Variants in CFHR4 observed in about 807,000 individuals in gnomAD.
The protein encoded by CFHR4 is complement factor H-related protein 4.
Under a neutral mutation model 69.3 loss-of-function variants are expected in CFHR4, and 64 were observed. That is an observed-to-expected ratio of 0.92 (90% CI 0.76 to 1.14). The LOEUF is 1.14. Among genes scored for constraint, CFHR4 ranks in the 50% most tolerant of loss-of-function variants. The probability of loss-of-function intolerance (pLI) is 0.00; values close to 1 mark genes in which losing one functional copy is unlikely to be tolerated. For missense variants in CFHR4, 636 were observed against 684.9 expected (o/e 0.93, Z 0.80); for synonymous variants, 244 against 237.0 (o/e 1.03, Z -0.27).
chr1:196,914,848 T>C, intron 8 of CFHR4, 108 bp from the exon 9 acceptor site: 1 of 1,505,666 alleles, frequency 6.6e-7, no homozygotes. Flanking sequence ...GCAGATGTCT[T>C]CCTAAGAAAT....
intron 1 of CFHR4, among the ~76,000 whole-genome samples, chr1:196,893,300 A>G (rs192227535): frequency 6.6e-6 from 1 of 151,772 alleles, no homozygotes; most frequent in East Asian, 1.9e-4. Context: ...GCTTTTGATG[A>G]GGACTGTCAC....
At chr1:196,907,533 G>A (rs1657983552) in intron 5 of CFHR4, 35 bp downstream of exon 5, 1 of 1,546,158 alleles carries the variant, frequency 6.5e-7, no homozygotes. Context: ...GAGAAAATTA[G>A]AGTAATAACT....
Position 196,894,889 on chromosome 1 carries a change from A to AACAACAACAAC in CFHR4, c.58+6682_58+6683insCAACAACAACA, listed in dbSNP as rs111627820. 2.5e-3 allele frequency among the ~76,000 whole-genome samples: 369 copies of AACAACAACAAC among 149,068 alleles called. 9 individuals carry two copies. In the East Asian group the frequency reaches 0.037, roughly 15 times the overall value. On this transcript the variant is annotated intron_variant, in intron 1 of 9. Transcript: ENST00000608469. ...AAGCATGGCAAAACCCTGTCTCTAA[A>AACAACAACAAC]AACAACAACAACAACAACAAATTAT...
At chr1:196,895,408 T>G (rs969642465) in intron 1 of CFHR4, among the ~76,000 whole-genome samples, 2 of 151,582 alleles carry the variant, frequency 1.3e-5, no homozygotes, top group African/African-American at 4.9e-5. Flanking sequence ...CCACTTTGTG[T>G]GTGTTGGTCT....
chr1:196,896,144 T>C (rs377618091), intron 1 of CFHR4, among the ~76,000 whole-genome samples: 1 of 149,736 alleles, frequency 6.7e-6, no homozygotes, highest in South Asian at 2.1e-4. Flanking sequence ...AACTGAACTT[T>C]TTAATCTAAT....
chr1:196,897,314 G>C (rs1286603286), intron 1 of CFHR4, among the ~76,000 whole-genome samples: 1 of 151,456 alleles, frequency 6.6e-6, no homozygotes, highest in Non-Finnish European at 1.5e-5. Flanking sequence ...AGCGTCTAGG[G>C]TAGGCGTCTG....
intron 6 of CFHR4, 130 bp from the exon 7 acceptor site, chr1:196,912,610 A>C: frequency 9.2e-7 from 1 of 1,084,008 alleles, no homozygotes; most frequent in African/African-American, 1.6e-5. Flanking sequence ...GGAAACTTCC[A>C]GTTTTGCTGT....
intron 4 of CFHR4, 64 bp downstream of exon 4, chr1:196,907,101 TA>T: frequency 7.1e-7 from 1 of 1,412,846 alleles, no homozygotes; most frequent in Non-Finnish European, 9.7e-7. Context: ...TACATATGTA[TA>T]TGTACACATA....
At chr1:196,917,065 A>T (rs916861306) in intron 9 of CFHR4, among the ~76,000 whole-genome samples, 2 of 151,726 alleles carry the variant, frequency 1.3e-5, no homozygotes, top group African/African-American at 2.4e-5. Context: ...CTCTGAATGT[A>T]TTGAAGAGCT....
At chr1:196,902,377 G>C in intron 1 of CFHR4, 41 bp from the exon 2 acceptor site, 2 of 1,332,888 alleles carry the variant, frequency 1.5e-6, no homozygotes, top group Non-Finnish European at 2.1e-6. Flanking sequence ...ATCTGTTATA[G>C]AAAAACATTA....
intron 7 of CFHR4, among the ~76,000 whole-genome samples, chr1:196,913,370 A>G (rs760900901): frequency 6.6e-6 from 1 of 151,432 alleles, no homozygotes; most frequent in African/African-American, 2.4e-5. Flanking sequence ...GGAGAATCAG[A>G]CCGTAATAAT....
In CFHR4 at chr1:196,905,221, G is replaced by A. The variant is rs758069559; in HGVS notation, c.370G>A (p.Ala124Thr). The A allele has an allele frequency of 6.2e-7, 1 of 1,611,574 alleles. No individual in the cohort carries two copies. The highest frequency in any genetic ancestry group is 1.1e-5 in the South Asian group (1 of 90,866). ...QYNCKPGYAT[A>T]EGNSSGSITC... ...TAATTGTAAACCAGGATATGCAACA[G>A]CAGAGGGAAATTCTTCAGGATCAAT... Residue 124 changes from alanine (A) to threonine (T), a missense_variant, in exon 3 of 10, where the codon GCA (alanine) becomes ACA (threonine). Physicochemically the swap from Ala to Thr is moderately conservative, Grantham distance 58 (BLOSUM62 0). Coordinates refer to ENST00000608469, the MANE Select transcript of CFHR4 (RefSeq NM_001201550.3).
chr1:196,893,752 A>C (rs1441314505), intron 1 of CFHR4, among the ~76,000 whole-genome samples: 1 of 151,594 alleles, frequency 6.6e-6, no homozygotes, highest in Non-Finnish European at 1.5e-5. Flanking sequence ...TTGTCTTCAG[A>C]TGTAAAAGAT....
chr1:196,895,225 C>T (rs550238394), intron 1 of CFHR4, among the ~76,000 whole-genome samples: 1 of 151,064 alleles, frequency 6.6e-6, no homozygotes, highest in Non-Finnish European at 1.5e-5. Flanking sequence ...AGAGCAAGAC[C>T]CTATCACTAC....
At chr1:196,899,412 A>T (rs1168060060) in intron 1 of CFHR4, among the ~76,000 whole-genome samples, 1 of 151,082 alleles carries the variant, frequency 6.6e-6, no homozygotes, top group Non-Finnish European at 1.5e-5. Context: ...TCCCACTGCA[A>T]CCTCCTAAGC....
chr1:196,903,715 T>C (rs1002524209), intron 2 of CFHR4, among the ~76,000 whole-genome samples: 11 of 151,186 alleles, frequency 7.3e-5, no homozygotes, highest in African/African-American at 2.7e-4. Flanking sequence ...ACATATGTCA[T>C]GAAGATCACA....
chr1:196,892,398 T>C (rs980064793), intron 1 of CFHR4, among the ~76,000 whole-genome samples: 1 of 151,444 alleles, frequency 6.6e-6, no homozygotes, highest in Non-Finnish European at 1.5e-5. Context: ...ATTGGCAGGG[T>C]TTTTTTGTGC....
chr1:196,907,629 C>T, intron 5 of CFHR4, 131 bp downstream of exon 5: 3 of 713,332 alleles, frequency 4.2e-6, no homozygotes, highest in Non-Finnish European at 6.8e-6. Context: ...TGAATATTTG[C>T]CTTTCAGATC....
At chr1:196,917,691 T>TAG (rs1558254447) in intron 9 of CFHR4, among the ~76,000 whole-genome samples, 1 of 151,522 alleles carries the variant, frequency 6.6e-6, no homozygotes, top group Non-Finnish European at 1.5e-5. Context: ...TATGTATATA[T>TAG]AGAGAGTTTT....
Sources: allele counts gnomAD v4.1 joint callset (sites outside exome capture counted in the v4.1 genomes callset), GRCh38; gene constraint gnomAD v4.1.1; transcripts MANE v1.5; gene names NCBI Gene and HGNC (gene_info 2026-07-23, HGNC 2026-07-21).